The following CLCN1 variants were observed in gnomAD, a reference collection of about 807,000 sequenced individuals.
CLCN1 encodes the protein chloride channel protein 1.
In CLCN1, 100 loss-of-function variants were observed where a neutral mutation model predicts 114.5. The ratio of observed to expected loss-of-function variants is 0.87; its 90% confidence interval spans 0.74 to 1.03. The LOEUF (loss-of-function observed/expected upper bound fraction) is 1.03. Among genes scored for constraint, CLCN1 ranks in the 50% least tolerant of loss-of-function variants. The pLI is 0.00. For synonymous variants in CLCN1, 485 were observed against 487.1 expected, an observed-to-expected ratio of 1.00 and a Z score of 0.06; for missense variants, 1,188 against 1,250.0, an observed-to-expected ratio of 0.95 and a Z score of 0.75.
chr7:143,347,070 T>C, intron 20 of CLCN1, 121 bp downstream of exon 20: 1 of 896,210 alleles, frequency 1.1e-6, no homozygotes, highest in East Asian at 2.4e-5. Flanking sequence ...TGGGAAGTGT[T>C]TTGAGAGGAT....
At chr7:143,326,008 T>TTTTTTTG (rs1554435603) in intron 7 of CLCN1, among the ~76,000 whole-genome samples, 72 of 152,066 alleles carry the variant, frequency 4.7e-4, no homozygotes, top group African/African-American at 1.7e-3. Context: ...TACTTGTTTT[T>TTTTTTTG]TTTGTTTGTT....
chr7:143,332,549 T>A (rs763329100), intron 11 of CLCN1, 46 bp downstream of exon 11: 2 of 1,545,368 alleles, frequency 1.3e-6, no homozygotes, highest in Non-Finnish European at 1.8e-6. Context: ...ACAGCACAGA[T>A]ATACCTCAGG....
In CLCN1 at chr7:143,320,388, C is replaced by T. The variant is rs1802392428; in HGVS notation, c.302-276C>T. ...AGTTTTAGGAAGGAATTCAAGTATT[C>T]ATGGGGAACTGGGCTTTGGTGCCTT... On this transcript the variant is annotated intron_variant, in intron 2 of 22. Transcript: ENST00000343257. Among the ~76,000 whole-genome samples, 5 of 152,240 alleles carry T rather than the reference C, an allele frequency of 3.3e-5. No homozygotes were observed. The South Asian group carries it at 6.2e-4, about 19-fold the overall frequency.
intron 16 of CLCN1, 134 bp from the exon 17 acceptor site, chr7:143,345,387 T>C: frequency 8.5e-7 from 1 of 1,181,392 alleles, no homozygotes; most frequent in Non-Finnish European, 1.2e-6. Flanking sequence ...TTAAAATGAG[T>C]TTCCAGGAAG....
At position 143,346,913 on chromosome 7, in the gene CLCN1, T is replaced by A; in HGVS notation, c.2367T>A (p.Asp789Glu). ...GGACCTATGTCTTTCTTCTCTAGGA[T>A]TCCACAGATTTAGTGGATAACATGT... ...ARPTKKKTTQ[D>E]STDLVDNMSP... is the part of the protein sequence containing the mutation. The change falls in exon 20 of 23, where the codon GAT (aspartate) becomes GAA (glutamate). Residue 789 changes from aspartate (D) to glutamate (E), a missense_variant and splice_region_variant. Physicochemically the swap from Asp to Glu is conservative, Grantham distance 45. Coordinates refer to ENST00000343257, the MANE Select transcript of CLCN1 (RefSeq NM_000083.3). The A allele has an allele frequency of 6.2e-7, 1 of 1,613,608 alleles. No individual in the cohort carries two copies. The highest frequency in any genetic ancestry group is 8.5e-7 in the Non-Finnish European group (1 of 1,179,508).
rs74686123 is a variant in CLCN1 at position 143,328,684 on chromosome 7, C to T, written c.854-2088C>T. Reference sequence around the variant, plus strand: ...AGAAAAGGAGAGAGACTCACTCTACCTGGTTCCTGCTGTGTCAAATCCTCC... The same window carrying T: ...AGAAAAGGAGAGAGACTCACTCTACTTGGTTCCTGCTGTGTCAAATCCTCC... On this transcript the variant is annotated intron_variant, in intron 7 of 22. Coordinates refer to ENST00000343257, the MANE Select transcript of CLCN1 (RefSeq NM_000083.3). Among the ~76,000 whole-genome samples the T allele has an allele frequency of 4.1e-3, 630 of 152,304 alleles. 4 individuals carry two copies. Among genetic ancestry groups the T allele is most frequent in the South Asian group, 6.2e-3 (30 of 4,826 alleles).
In CLCN1 at chr7:143,345,765, G is replaced by A. The variant is rs758964825; in HGVS notation, c.2172+3G>A. On this transcript the variant is annotated splice_donor_region_variant and intron_variant, in intron 17 of 22. Transcript: ENST00000343257. ...AAGACCTCTCTGGCAAGAGCGAGGT[G>A]ACCGCGCCGGGAAGGGCTAGGGAGT... 3.2e-5 allele frequency: 51 copies of A among 1,607,478 alleles called. No individual in the cohort carries two copies. In the African/African-American group the frequency reaches 6.0e-4, roughly 19 times the overall value.
At chr7:143,336,897 A>T (rs1407197502) in intron 12 of CLCN1, among the ~76,000 whole-genome samples, 1 of 152,224 alleles carries the variant, frequency 6.6e-6, no homozygotes, top group African/African-American at 2.4e-5. Context: ...GTTACCTGTT[A>T]TATGAATTGC....
intron 12 of CLCN1, among the ~76,000 whole-genome samples, chr7:143,336,675 G>GAAAGAAAA (rs60629044): frequency 1.1e-4 from 16 of 148,720 alleles, no homozygotes; most frequent in South Asian, 4.2e-4. Context: ...AAGAAAGAAA[G>GAAAGAAAA]AGAAAGAAGA....
Position 143,324,574 on chromosome 7 carries a change from T to C in CLCN1, c.853+82T>C, listed in dbSNP as rs1802531831. ...AGTTTTAATCAGTATCCACAAGTGC[T>C]GGTATTACCAGGTTACTTACGAGAA... On this transcript the variant is annotated intron_variant, in intron 7 of 22. Coordinates refer to ENST00000343257, the MANE Select transcript of CLCN1 (RefSeq NM_000083.3). This position sits in a 1 kb window ranked among gnomAD's most constrained non-coding sequence, Gnocchi z 4.6. The C allele has an allele frequency of 6.8e-6, 7 of 1,024,080 alleles. No individual in the cohort carries two copies. Among genetic ancestry groups the C allele is most frequent in the Non-Finnish European group, 1.1e-5 (7 of 646,778 alleles). 63.4% of individuals were successfully genotyped at this position (1,024,080 alleles called of 1,614,324 possible). A position where few individuals can be genotyped will look rare whatever the true frequency, so the allele number is the denominator to read the frequency against.
intron 17 of CLCN1, 77 bp from the exon 18 acceptor site, chr7:143,346,063 A>G: frequency 2.0e-6 from 2 of 1,011,188 alleles, no homozygotes; most frequent in Non-Finnish European, 3.2e-6. Context: ...TTCCCAGAAC[A>G]TCCACCAACT....
At chr7:143,317,819 G>A (rs982029412) in intron 1 of CLCN1, among the ~76,000 whole-genome samples, 1 of 152,126 alleles carries the variant, frequency 6.6e-6, no homozygotes, top group Non-Finnish European at 1.5e-5. Context: ...AGCGGGGTCT[G>A]ACTAGGCCTT....
chr7:143,331,482 C>A, intron 9 of CLCN1, 69 bp from the exon 10 acceptor site: 1 of 1,215,754 alleles, frequency 8.2e-7, no homozygotes, highest in Non-Finnish European at 1.2e-6. Flanking sequence ...TGTTTCCCTG[C>A]AGTAGTTATG....
Position 143,321,637 on chromosome 7 carries a change from C to T in CLCN1, c.563-78C>T. ...ACTGCCTCTTCAGCCCTCTCCAATT[C>T]CCATTCCCATATTCTGGACATTCAT... is the stretch of plus-strand genomic sequence containing the variant. On this transcript the variant is annotated intron_variant, in intron 4 of 22. Coordinates refer to ENST00000343257, the MANE Select transcript of CLCN1 (RefSeq NM_000083.3). The surrounding 1 kb of genome is among the most constrained non-coding windows in gnomAD (Gnocchi z 4.2). The T allele has an allele frequency of 6.2e-7, 1 of 1,608,112 alleles. No homozygotes were observed. Among genetic ancestry groups the T allele is most frequent in the Non-Finnish European group, 8.5e-7 (1 of 1,174,704 alleles).
chr7:143,331,446 G>A, intron 9 of CLCN1, 105 bp from the exon 10 acceptor site: 1 of 1,105,324 alleles, frequency 9.0e-7, no homozygotes, highest in South Asian at 1.2e-5. Context: ...GATGTGGGCA[G>A]ATAGGAAAGG....
chr7:143,323,807 T>C, intron 6 of CLCN1: 1 of 476,032 alleles, frequency 2.1e-6, no homozygotes, highest in African/African-American at 2.0e-5. Context: ...CCCGCGTGCT[T>C]CTCTGTTGCA....
rs1269882125 is a variant in CLCN1, at chr7:143,321,617, C to G, written c.563-98C>G. The G allele has an allele frequency of 3.7e-6, 6 of 1,603,508 alleles. No individual in the cohort carries two copies. Among genetic ancestry groups the G allele is most frequent in the Non-Finnish European group, 5.1e-6 (6 of 1,170,996 alleles). ...CTTGCCCCATCCTCCCCACCACTGCCTCTTCAGCCCTCTCCAATTCCCATT... is the reference window on the plus strand; with the variant it reads ...CTTGCCCCATCCTCCCCACCACTGCGTCTTCAGCCCTCTCCAATTCCCATT... On this transcript the variant is annotated intron_variant, in intron 4 of 22. Coordinates refer to ENST00000343257, the MANE Select transcript of CLCN1 (RefSeq NM_000083.3). The surrounding 1 kb of genome is among the most constrained non-coding windows in gnomAD (Gnocchi z 4.2).
chr7:143,330,526 G>A (rs1326238466), intron 7 of CLCN1, among the ~76,000 whole-genome samples: 1 of 152,170 alleles, frequency 6.6e-6, no homozygotes, highest in African/African-American at 2.4e-5. Context: ...TTTGGAGGTT[G>A]AAGGCCCATT....
rs531992181 is a variant in CLCN1, at chr7:143,324,857, G to A, written c.853+365G>A. On this transcript the variant is annotated intron_variant, in intron 7 of 22. Transcript: ENST00000343257. The surrounding 1 kb of genome is among the most constrained non-coding windows in gnomAD (Gnocchi z 4.6). Reference sequence around the variant, plus strand: ...TTGTTGGATGTTTTTGCCCTACACCGATGACATCTCTAACAGGGGACTCTA... The same window carrying A: ...TTGTTGGATGTTTTTGCCCTACACCAATGACATCTCTAACAGGGGACTCTA... Among the ~76,000 whole-genome samples, 3 of 152,160 alleles carry A rather than the reference G, an allele frequency of 2.0e-5. No homozygotes were observed. Among genetic ancestry groups the A allele is most frequent in the African/African-American group, 4.8e-5 (2 of 41,434 alleles).
Sources: allele counts gnomAD v4.1 joint callset (sites outside exome capture counted in the v4.1 genomes callset), GRCh38; gene constraint gnomAD v4.1.1; non-coding constraint Gnocchi (gnomAD v3.1); transcripts MANE v1.5; gene names NCBI Gene and HGNC (gene_info 2026-07-23, HGNC 2026-07-21).